SAE1: variants seen among roughly 807,000 people sequenced by gnomAD.
SAE1 encodes SUMO1 activating enzyme subunit 1, also known as SUMO-activating enzyme subunit 1.
A neutral mutation model predicts 40.6 loss-of-function variants in SAE1; 11 were observed. That is an observed-to-expected ratio of 0.27 (90% confidence interval 0.17 to 0.45). SAE1 has a LOEUF of 0.45. Among genes scored for constraint, SAE1 ranks in the 20% least tolerant of loss-of-function variants. The pLI, the probability that SAE1 is intolerant of heterozygous loss-of-function variation, is 1.00. For synonymous variants in SAE1, 155 were observed against 154.3 expected (o/e 1.00, Z -0.03); for missense variants, 373 against 427.3 (o/e 0.87, Z 1.12).
At chr19:47,140,227 C>T (rs1194098321) in intron 1 of SAE1, among the ~76,000 whole-genome samples, 1 of 151,600 alleles carries the variant, frequency 6.6e-6, no homozygotes, top group Non-Finnish European at 1.5e-5. Flanking sequence ...TTGCCTTAGC[C>T]TCCCGAGTAG....
At chr19:47,205,961 G>T (rs1006073302) in intron 8 of SAE1, among the ~76,000 whole-genome samples, 2 of 152,230 alleles carry the variant, frequency 1.3e-5, no homozygotes, top group African/African-American at 4.8e-5. Context: ...ATCATGTAGA[G>T]ACTGCATGGA....
intron 8 of SAE1, among the ~76,000 whole-genome samples, chr19:47,206,672 T>A (rs1485335551): frequency 6.6e-6 from 1 of 152,162 alleles, no homozygotes; most frequent in Non-Finnish European, 1.5e-5. Context: ...TACCATCTCC[T>A]GTATCTTGGG....
intron 6 of SAE1, among the ~76,000 whole-genome samples, chr19:47,185,666 A>G (rs1164962904): frequency 1.3e-5 from 2 of 151,500 alleles, no homozygotes; most frequent in Non-Finnish European, 2.9e-5. Flanking sequence ...CAGTAGCCCC[A>G]TCTCTGCTCA....
Position 47,153,047 on chromosome 19 carries a change from G to T in SAE1, c.527+7G>T, listed in dbSNP as rs375977227. On this transcript the variant is annotated splice_region_variant and intron_variant, in intron 4 of 8. Coordinates refer to ENST00000270225, the MANE Select transcript of SAE1 (RefSeq NM_005500.3). Reference sequence around the variant, plus strand: ...GAGAGCATGAGTTTGTAGAGTAAGTGTTGGGAGAGGAGGGGAGAACATAAC... The same window carrying T: ...GAGAGCATGAGTTTGTAGAGTAAGTTTTGGGAGAGGAGGGGAGAACATAAC... The T allele has an allele frequency of 9.5e-5, 152 of 1,602,872 alleles. No individual in the cohort carries two copies. The highest frequency in any genetic ancestry group is 1.3e-4 in the Non-Finnish European group (147 of 1,174,512).
At chr19:47,178,138 G>C (rs568612577) in intron 6 of SAE1, among the ~76,000 whole-genome samples, 7 of 152,142 alleles carry the variant, frequency 4.6e-5, no homozygotes, top group South Asian at 2.1e-4. Context: ...CTACTCGGGA[G>C]GGGGAGGCAG....
intron 7 of SAE1, among the ~76,000 whole-genome samples, chr19:47,198,843 T>G (rs981369677): frequency 1.3e-5 from 2 of 152,182 alleles, no homozygotes; most frequent in Admixed American, 6.5e-5. Flanking sequence ...CCCAGCACTT[T>G]GGGAGGTTGA....
intron 6 of SAE1, among the ~76,000 whole-genome samples, chr19:47,184,485 A>T (rs1187181933): frequency 6.6e-6 from 1 of 151,588 alleles, no homozygotes. Context: ...ATTTTGGCTC[A>T]TTGCAACCTC....
At chr19:47,186,927 C>T (rs2058548061) in intron 6 of SAE1, among the ~76,000 whole-genome samples, 1 of 152,170 alleles carries the variant, frequency 6.6e-6, no homozygotes, top group Non-Finnish European at 1.5e-5. Context: ...AGCCTGCCCT[C>T]TAGAGACTGT....
chr19:47,187,005 A>G (rs1228827489), intron 6 of SAE1, among the ~76,000 whole-genome samples: 1 of 152,214 alleles, frequency 6.6e-6, no homozygotes, highest in African/African-American at 2.4e-5. Context: ...CACAGCTAGC[A>G]TAGGGTAGGG....
At chr19:47,160,399 T>TG (rs2058352604) in intron 5 of SAE1, among the ~76,000 whole-genome samples, 1 of 139,132 alleles carries the variant, frequency 7.2e-6, no homozygotes, top group African/African-American at 2.7e-5. Context: ...TTTTTTTTTT[T>TG]TTTTTTTTTT....
intron 1 of SAE1, among the ~76,000 whole-genome samples, chr19:47,138,686 A>G (rs2058197900): frequency 6.6e-6 from 1 of 152,156 alleles, no homozygotes; most frequent in South Asian, 2.1e-4. Flanking sequence ...CAGTAAACAT[A>G]TAAACAAGTA....
intron 6 of SAE1, among the ~76,000 whole-genome samples, chr19:47,179,216 A>C (rs1181946561): frequency 6.6e-6 from 1 of 150,982 alleles, no homozygotes; most frequent in African/African-American, 2.4e-5. Context: ...AAAGAAAGAA[A>C]AATCTCTAGC....
intron 4 of SAE1, among the ~76,000 whole-genome samples, chr19:47,153,372 C>A (rs2058299382): frequency 6.6e-6 from 1 of 152,206 alleles, no homozygotes; most frequent in Admixed American, 6.5e-5. Flanking sequence ...TCTGGTAGAA[C>A]AAACAGACCT....
chr19:47,173,464 C>A (rs1199961201), intron 6 of SAE1, among the ~76,000 whole-genome samples: 1 of 152,120 alleles, frequency 6.6e-6, no homozygotes, highest in Non-Finnish European at 1.5e-5. Flanking sequence ...TCAGTTTTGT[C>A]CCCTCAGTTC....
At chr19:47,178,221 G>A (rs117436118) in intron 6 of SAE1, among the ~76,000 whole-genome samples, 2,135 of 151,148 alleles carry the variant, frequency 0.014, 106 homozygotes, top group Admixed American at 0.097. Flanking sequence ...CCAGCCTGAC[G>A]ACAGGGCAAG....
intron 5 of SAE1, among the ~76,000 whole-genome samples, chr19:47,168,582 C>T (rs563267952): frequency 3.4e-4 from 51 of 152,142 alleles, no homozygotes; most frequent in Admixed American, 1.9e-3. Context: ...AAGTGAGCCA[C>T]CACACTCAGC....
intron 3 of SAE1, among the ~76,000 whole-genome samples, chr19:47,150,804 G>C (rs939358038): frequency 4.6e-5 from 7 of 152,242 alleles, no homozygotes; most frequent in Middle Eastern, 3.4e-3. Context: ...CTTGTGTTTT[G>C]TCTTAAGAAA....
At chr19:47,190,302 A>T (rs1162535619) in intron 6 of SAE1, among the ~76,000 whole-genome samples, 1 of 152,164 alleles carries the variant, frequency 6.6e-6, no homozygotes, top group Non-Finnish European at 1.5e-5. Flanking sequence ...TATAATGTGT[A>T]AACTGGTGGG....
intron 6 of SAE1, among the ~76,000 whole-genome samples, chr19:47,173,808 G>A (rs1382638757): frequency 1.1e-4 from 16 of 144,392 alleles, no homozygotes; most frequent in Non-Finnish European, 2.0e-4. Context: ...TTTTTGAGAC[G>A]GAGTCTCTCT....
Sources: gnomAD v4.1 joint callset for allele counts (sites outside exome capture counted in the v4.1 genomes callset) on GRCh38, gnomAD v4.1.1 for gene constraint, MANE v1.5 for transcripts, NCBI Gene and HGNC (gene_info 2026-07-23, HGNC 2026-07-21) for gene names.